Variants in NXNL2 observed in about 807,000 individuals in gnomAD.
NXNL2 encodes nucleoredoxin like 2, also known as nucleoredoxin-like protein 2.
A neutral mutation model predicts 11.1 loss-of-function variants in NXNL2; 7 were observed. That is an observed-to-expected ratio of 0.63 (90% CI 0.36 to 1.18). The LOEUF (loss-of-function observed/expected upper bound fraction) is 1.18. Ranked by LOEUF, NXNL2 falls within the 50% of genes most tolerant of loss-of-function variation. The pLI is 0.02. For missense variants in NXNL2, 233 were observed against 217.7 expected (o/e 1.07, Z -0.44); for synonymous variants, 109 against 101.8 (o/e 1.07, Z -0.42).
chr9:88,542,240 AAAAAAAC>A (rs552447253), intron 1 of NXNL2, among the ~76,000 whole-genome samples: 236 of 151,982 alleles, frequency 1.6e-3, no homozygotes, highest in African/African-American at 4.0e-3. Flanking sequence ...CTCAAAAAAC[AAAAAAAC>A]AAAAAACAAA....
At chr9:88,537,264 G>C (rs1254970922) in intron 1 of NXNL2, among the ~76,000 whole-genome samples, 1 of 152,208 alleles carries the variant, frequency 6.6e-6, no homozygotes, top group East Asian at 1.9e-4. Flanking sequence ...TGGCTCTGAG[G>C]ACCCTCTTTC....
downstream of NXNL2, among the ~76,000 whole-genome samples, chr9:88,548,865 G>A (rs548155177): frequency 3.9e-5 from 6 of 152,036 alleles, no homozygotes; most frequent in Non-Finnish European, 8.8e-5. Flanking sequence ...AGGTCAGGAG[G>A]GTGGGGTGGA....
intron 1 of NXNL2, among the ~76,000 whole-genome samples, chr9:88,582,915 G>A (rs996572030): frequency 1.3e-5 from 2 of 152,126 alleles, no homozygotes; most frequent in Admixed American, 6.5e-5. Flanking sequence ...GGATCCTCCC[G>A]CCTTGGCCTC....
intron 1 of NXNL2, among the ~76,000 whole-genome samples, chr9:88,555,201 A>G (rs1228403735): frequency 6.6e-6 from 1 of 152,192 alleles, no homozygotes; most frequent in Non-Finnish European, 1.5e-5. Context: ...AAAGTAAATG[A>G]ATAAAAGGGC....
Position 88,544,735 on chromosome 9 carries a change from C to G in NXNL2, c.*188C>G, listed in dbSNP as rs1829825328. Reference sequence around the variant, plus strand: ...TAATACACTCCATATTTTGATCATGCAGGCTGTTTGTATTATAGTTATTTT... The same window carrying G: ...TAATACACTCCATATTTTGATCATGGAGGCTGTTTGTATTATAGTTATTTT... On this transcript the variant is annotated 3_prime_UTR_variant, in exon 2 of 2. Transcript: ENST00000375854. 1 of 1,369,678 alleles carries G rather than the reference C, an allele frequency of 7.3e-7. No homozygotes were observed. Among genetic ancestry groups the G allele is most frequent in the Non-Finnish European group, 9.4e-7 (1 of 1,066,900 alleles). The allele number at this position is 1,369,678 out of a possible 1,614,324, so 84.8% of individuals were successfully genotyped here. A position where few individuals can be genotyped will look rare whatever the true frequency, so the allele number is the denominator to read the frequency against.
chr9:88,540,254 C>T (rs2118406071), intron 1 of NXNL2, among the ~76,000 whole-genome samples: 1 of 151,718 alleles, frequency 6.6e-6, no homozygotes, highest in African/African-American at 2.4e-5. Context: ...ATGGCGTGAA[C>T]CTGGGAGGCG....
downstream of NXNL2, among the ~76,000 whole-genome samples, chr9:88,546,414 CTTTTTT>C (rs956682156): frequency 9.1e-6 from 1 of 110,140 alleles, no homozygotes; most frequent in Non-Finnish European, 1.8e-5. Flanking sequence ...AAGACACATT[CTTTTTT>C]TTTTTTTTTT....
At chr9:88,562,816 A>C (rs1830103056) in intron 1 of NXNL2, among the ~76,000 whole-genome samples, 1 of 151,872 alleles carries the variant, frequency 6.6e-6, no homozygotes, top group African/African-American at 2.4e-5. Context: ...AGGCAGAGGA[A>C]ATTTTGCTTA....
At chr9:88,580,849 G>T (rs909484664) in intron 1 of NXNL2, among the ~76,000 whole-genome samples, 2 of 151,678 alleles carry the variant, frequency 1.3e-5, no homozygotes, top group South Asian at 2.1e-4. Flanking sequence ...AGTCTGGAAT[G>T]GTTCCACAAC....
chr9:88,546,876 C>T (rs1177153234), downstream of NXNL2, among the ~76,000 whole-genome samples: 1 of 152,186 alleles, frequency 6.6e-6, no homozygotes, highest in Non-Finnish European at 1.5e-5. Context: ...GGACGAACAT[C>T]AGGAAAAAGA....
intron 1 of NXNL2, among the ~76,000 whole-genome samples, chr9:88,556,913 TAAAAAATGCAAA>T (rs1329211920): frequency 6.6e-6 from 1 of 151,354 alleles, no homozygotes; most frequent in East Asian, 1.9e-4. Context: ...CCGTCTCTAC[TAAAAAATGCAAA>T]AAAAAATTAG....
rs796387920 is a variant in NXNL2 at position 88,552,473 on chromosome 9, G to GGTTTTTTTTT, written c.302+16737_302+16738insGTTTTTTTTT. On this transcript the variant is annotated intron_variant, in intron 1 of 2. Coordinates refer to the NXNL2 transcript ENST00000375855. ...CTAGTTTTCTGCTTTAAACATGCAT[G>GGTTTTTTTTT]TTTTTTTTTTTTTTTTTGAGATGGA... is the stretch of plus-strand genomic sequence containing the variant. Among the ~76,000 whole-genome samples, 1,272 of 131,244 alleles carry GGTTTTTTTTT rather than the reference G, an allele frequency of 9.7e-3. 42 individuals are homozygous for GGTTTTTTTTT. The highest frequency in any genetic ancestry group is 0.034 in the African/African-American group (1,200 of 35,214). The allele number at this position is 131,244 out of a possible 152,430, so 86.1% of individuals were successfully genotyped here.
At chr9:88,535,838 C>T (rs879821584) in intron 1 of NXNL2, 102 bp downstream of exon 1, 22 of 853,162 alleles carry the variant, frequency 2.6e-5, no homozygotes, top group African/African-American at 2.4e-4. Flanking sequence ...GACGCCCCCC[C>T]CCAACACCTC....
chr9:88,570,399 T>G (rs1830243650), intron 1 of NXNL2, among the ~76,000 whole-genome samples: 1 of 152,212 alleles, frequency 6.6e-6, no homozygotes, highest in Non-Finnish European at 1.5e-5. Context: ...ATTACAGGCG[T>G]GAGCCACCAT....
At chr9:88,560,748 AAAAG>A (rs1830075659) in intron 1 of NXNL2, among the ~76,000 whole-genome samples, 1 of 152,076 alleles carries the variant, frequency 6.6e-6, no homozygotes, top group African/African-American at 2.4e-5. Context: ...GTCTCTAAAA[AAAAG>A]AAAGACAATT....
intron 1 of NXNL2, among the ~76,000 whole-genome samples, chr9:88,543,809 T>C (rs765057949): frequency 4.6e-5 from 7 of 152,128 alleles, no homozygotes; most frequent in Non-Finnish European, 8.8e-5. Flanking sequence ...GGCTACTGGA[T>C]TGGGTAGCAC....
At chr9:88,583,228 C>T (rs777290761) in intron 1 of NXNL2, among the ~76,000 whole-genome samples, 6 of 152,228 alleles carry the variant, frequency 3.9e-5, no homozygotes, top group Non-Finnish European at 7.3e-5. Flanking sequence ...CATTTGTTAC[C>T]GCTGCACTGC....
intron 1 of NXNL2, among the ~76,000 whole-genome samples, chr9:88,581,464 C>T (rs1489366116): frequency 6.6e-6 from 1 of 151,124 alleles, no homozygotes; most frequent in East Asian, 1.9e-4. Context: ...GATGGAGTTT[C>T]GCTCTTGTTG....
At chr9:88,574,589 A>G (rs1236909720) in intron 2 of NXNL2, among the ~76,000 whole-genome samples, 1 of 152,248 alleles carries the variant, frequency 6.6e-6, no homozygotes, top group African/African-American at 2.4e-5. Context: ...ATATGCATTT[A>G]TGTCAGTGTG....
Sources: gnomAD v4.1 joint callset for allele counts (sites outside exome capture counted in the v4.1 genomes callset) on GRCh38, gnomAD v4.1.1 for gene constraint, MANE v1.5 for transcripts, NCBI Gene and HGNC (gene_info 2026-07-23, HGNC 2026-07-21) for gene names.